The following UNC5D variants were observed in gnomAD, a reference collection of about 807,000 sequenced individuals.
The protein encoded by UNC5D is unc-5 netrin receptor D.
Under a neutral mutation model 105.4 loss-of-function variants are expected in UNC5D, and 39 were observed. That is an observed-to-expected ratio of 0.37 (90% CI 0.29 to 0.48). The LOEUF (loss-of-function observed/expected upper bound fraction) is 0.48. Ranked by LOEUF, UNC5D falls within the 20% of genes least tolerant of loss-of-function variation. The probability of loss-of-function intolerance (pLI) is 0.98; values close to 1 mark genes in which losing one functional copy is unlikely to be tolerated. For synonymous variants in UNC5D, 452 were observed against 450.4 expected, an observed-to-expected ratio of 1.00 and a Z score of -0.04; for missense variants, 991 against 1,202.4, an observed-to-expected ratio of 0.82 and a Z score of 2.60.
At chr8:35,310,360 C>T (rs958684021) in intron 1 of UNC5D, among the ~76,000 whole-genome samples, 3 of 152,166 alleles carry the variant, frequency 2.0e-5, no homozygotes, top group Non-Finnish European at 4.4e-5. Flanking sequence ...GTGGCTCATG[C>T]CTGTAATCCC....
At position 35,636,220 on chromosome 8, in the gene UNC5D, G is replaced by A. The variant is rs186137880; in HGVS notation, c.570+40563G>A. 1.6e-4 allele frequency among the ~76,000 whole-genome samples: 25 copies of A among 152,320 alleles called. No individual in the cohort carries two copies. The East Asian group carries it at 4.6e-3, about 28-fold the overall frequency. ...AGAGCAAGGAAAGAAAGCAAACGGG[G>A]TCGAATGATGGGTTTTGTACCTACC... On this transcript the variant is annotated intron_variant, in intron 4 of 16. Coordinates refer to ENST00000404895, the MANE Select transcript of UNC5D (RefSeq NM_080872.4).
chr8:35,753,206 G>T (rs1358170535), intron 13 of UNC5D, among the ~76,000 whole-genome samples: 2 of 152,152 alleles, frequency 1.3e-5, no homozygotes, highest in African/African-American at 4.8e-5. Context: ...TTTAGACAGT[G>T]CTAGGGAGAA....
chr8:35,692,739 T>A (rs893046), intron 7 of UNC5D, among the ~76,000 whole-genome samples: 143,922 of 152,298 alleles, frequency 0.95, 68,120 homozygotes, highest in East Asian at 1. Flanking sequence ...CATTAGCAAG[T>A]TAACATACCA....
chr8:35,572,275 C>CAAAAAAA (rs58478029), intron 3 of UNC5D, among the ~76,000 whole-genome samples: 9 of 72,468 alleles, frequency 1.2e-4, no homozygotes, highest in African/African-American at 5.2e-4. Context: ...GCGAGACTGT[C>CAAAAAAA]AAAAAAAAAA....
chr8:35,674,970 A>T (rs1795085678), intron 4 of UNC5D, among the ~76,000 whole-genome samples: 1 of 152,140 alleles, frequency 6.6e-6, no homozygotes, highest in Non-Finnish European at 1.5e-5. Flanking sequence ...TACCACTTAT[A>T]CATCTCTAAT....
intron 1 of UNC5D, among the ~76,000 whole-genome samples, chr8:35,321,741 G>C (rs548855798): frequency 6.6e-6 from 1 of 152,260 alleles, no homozygotes; most frequent in African/African-American, 2.4e-5. Context: ...AGGCAGATTA[G>C]GGGTCAGTCT....
At chr8:35,301,849 A>T (rs114232085) in intron 1 of UNC5D, among the ~76,000 whole-genome samples, 2 of 152,182 alleles carry the variant, frequency 1.3e-5, no homozygotes, top group Admixed American at 1.3e-4. Flanking sequence ...TAAAAATGTA[A>T]AAAGAATGAA....
At chr8:35,509,960 G>A (rs949525341) in intron 1 of UNC5D, among the ~76,000 whole-genome samples, 1 of 152,166 alleles carries the variant, frequency 6.6e-6, no homozygotes, top group Non-Finnish European at 1.5e-5. Flanking sequence ...AATGATACAG[G>A]TGAATGCCAG....
Position 35,257,036 on chromosome 8 carries a change from G to A in UNC5D, c.103+21149G>A, listed in dbSNP as rs555641211. On this transcript the variant is annotated intron_variant, in intron 1 of 16. Coordinates refer to ENST00000404895, the MANE Select transcript of UNC5D (RefSeq NM_080872.4). ...TGCCAAGCTGGAGTACTGCGGCAAC[G>A]TCTCGGCTCACTGCAACCTCTGATT... is the stretch of plus-strand genomic sequence containing the variant. Among the ~76,000 whole-genome samples the A allele has an allele frequency of 2.2e-4, 33 of 150,028 alleles. No homozygotes were observed. The South Asian group carries it at 6.1e-3, about 28-fold the overall frequency.
At chr8:35,587,200 G>A (rs1818845035) in intron 3 of UNC5D, among the ~76,000 whole-genome samples, 1 of 152,100 alleles carries the variant, frequency 6.6e-6, no homozygotes, top group African/African-American at 2.4e-5. Context: ...CTGTGGAACT[G>A]AACAGGGTGA....
intron 1 of UNC5D, among the ~76,000 whole-genome samples, chr8:35,487,891 C>G (rs1419592037): frequency 1.3e-5 from 2 of 152,128 alleles, no homozygotes; most frequent in Non-Finnish European, 2.9e-5. Flanking sequence ...CGGCAAAGGA[C>G]TTGATTGACT....
intron 4 of UNC5D, among the ~76,000 whole-genome samples, chr8:35,643,519 A>G (rs978790371): frequency 6.6e-6 from 1 of 151,860 alleles, no homozygotes; most frequent in Non-Finnish European, 1.5e-5. Context: ...GTTTCACCAT[A>G]TTAGTATTTT....
chr8:35,701,607 T>G (rs541688888), intron 7 of UNC5D, among the ~76,000 whole-genome samples: 8 of 152,276 alleles, frequency 5.3e-5, no homozygotes, highest in African/African-American at 1.9e-4. Context: ...AAAGGTAGAT[T>G]GTTCTCTTTC....
chr8:35,450,977 G>T (rs1009969352), intron 1 of UNC5D, among the ~76,000 whole-genome samples: 13 of 151,504 alleles, frequency 8.6e-5, no homozygotes, highest in African/African-American at 7.3e-5. Context: ...CGATATTTTT[G>T]ATTTAGGATG....
At chr8:35,496,977 C>A (rs1375730060) in intron 1 of UNC5D, among the ~76,000 whole-genome samples, 1 of 151,980 alleles carries the variant, frequency 6.6e-6, no homozygotes, top group African/African-American at 2.4e-5. Context: ...ATGACTGAGG[C>A]CCCTATAACA....
intron 1 of UNC5D, among the ~76,000 whole-genome samples, chr8:35,294,751 T>C (rs573488994): frequency 6.7e-6 from 1 of 150,258 alleles, no homozygotes; most frequent in South Asian, 2.1e-4. Flanking sequence ...TATTTTGAAA[T>C]GGATAGCAAC....
intron 1 of UNC5D, among the ~76,000 whole-genome samples, chr8:35,517,500 A>G (rs990110598): frequency 2.6e-5 from 4 of 152,204 alleles, no homozygotes; most frequent in African/African-American, 4.8e-5. Flanking sequence ...ATGTAGACCT[A>G]TGCTGTTCTG....
intron 4 of UNC5D, among the ~76,000 whole-genome samples, chr8:35,663,366 G>A (rs754809481): frequency 5.9e-5 from 9 of 152,088 alleles, no homozygotes; most frequent in Non-Finnish European, 1.0e-4. Context: ...AAAAAGATTC[G>A]AACAGCTCAC....
intron 14 of UNC5D, among the ~76,000 whole-genome samples, chr8:35,766,313 G>A (rs188350083): frequency 1.3e-5 from 2 of 152,094 alleles, no homozygotes; most frequent in Admixed American, 6.6e-5. Context: ...GTGTCTGTCT[G>A]TCTCTCTTCC....
Sources: allele counts gnomAD v4.1 joint callset (sites outside exome capture counted in the v4.1 genomes callset), GRCh38; gene constraint gnomAD v4.1.1; transcripts MANE v1.5; gene names NCBI Gene and HGNC (gene_info 2026-07-23, HGNC 2026-07-21).